Variants in ITPR2 observed in about 807,000 individuals in gnomAD.
The protein encoded by ITPR2 is inositol 1,4,5-trisphosphate receptor type 2.
A neutral mutation model predicts 317.1 loss-of-function variants in ITPR2; 207 were observed. That is an observed-to-expected ratio of 0.65 (90% CI 0.58 to 0.73). The LOEUF (loss-of-function observed/expected upper bound fraction) is 0.73. Among genes scored for constraint, ITPR2 ranks in the 30% least tolerant of loss-of-function variants. The pLI is 0.00. For missense variants in ITPR2, 2,613 were observed against 3,284.0 expected (o/e 0.80, Z 4.99); for synonymous variants, 1,156 against 1,149.1 (o/e 1.01, Z -0.12).
intron 45 of ITPR2, among the ~76,000 whole-genome samples, chr12:26,445,768 G>T (rs1941597434): frequency 6.6e-6 from 1 of 152,208 alleles, no homozygotes; most frequent in South Asian, 2.1e-4. Flanking sequence ...TAAACAAGGA[G>T]TGTGAGTAGA....
At chr12:26,714,402 T>C (rs899094057) in intron 8 of ITPR2, among the ~76,000 whole-genome samples, 1 of 152,222 alleles carries the variant, frequency 6.6e-6, no homozygotes, top group Admixed American at 6.5e-5. Flanking sequence ...TCCAAACATA[T>C]CCATCCAAGA....
At chr12:26,582,772 T>G (rs536837065) in intron 32 of ITPR2, among the ~76,000 whole-genome samples, 1 of 152,272 alleles carries the variant, frequency 6.6e-6, no homozygotes, top group African/African-American at 2.4e-5. Context: ...AATAATAAAT[T>G]TACAATACTA....
rs1468863194 is a variant in ITPR2, at chr12:26,715,448, A to G, written c.709-3T>C. On this transcript the variant is annotated splice_region_variant and splice_polypyrimidine_tract_variant and intron_variant, in intron 7 of 56. Transcript: ENST00000381340. ...TGAAATAATCTAACAACGTCCCCCT[A>G]GCAAAAAGGTCAAGAGACATCTGAA... The G allele has an allele frequency of 1.2e-6, 2 of 1,612,112 alleles. No individual in the cohort carries two copies. The highest frequency in any genetic ancestry group is 1.7e-5 in the Admixed American group (1 of 59,758).
chr12:26,349,685 A>G (rs559410404), intron 55 of ITPR2, among the ~76,000 whole-genome samples: 3 of 152,366 alleles, frequency 2.0e-5, no homozygotes, highest in East Asian at 1.9e-4. Flanking sequence ...CGCCTTAGAG[A>G]CGTGCATGGC....
chr12:26,669,880 C>T (rs1019123481), intron 13 of ITPR2, among the ~76,000 whole-genome samples: 5 of 152,244 alleles, frequency 3.3e-5, no homozygotes, highest in African/African-American at 7.2e-5. Flanking sequence ...TAAAAAACGG[C>T]GCACCAGGAG....
intron 9 of ITPR2, among the ~76,000 whole-genome samples, chr12:26,702,402 C>CGGG (rs1156504997): frequency 9.3e-5 from 1 of 10,758 alleles, no homozygotes; most frequent in African/African-American, 5.5e-4. Context: ...TTTTTGGGGG[C>CGGG]GGGGGTGGGG....
chr12:26,423,153 A>G (rs1435406898), intron 49 of ITPR2, among the ~76,000 whole-genome samples: 2 of 152,204 alleles, frequency 1.3e-5, no homozygotes, highest in African/African-American at 4.8e-5. Flanking sequence ...AGAAGTAGTT[A>G]GGAGCATTCA....
intron 37 of ITPR2, among the ~76,000 whole-genome samples, chr12:26,544,601 C>T (rs7316178): frequency 1.2e-5 from 1 of 86,490 alleles, no homozygotes; most frequent in African/African-American, 2.7e-5. Flanking sequence ...CACAGAGACA[C>T]ACAGACACAC....
chr12:26,441,302 T>A (rs1164119414), intron 46 of ITPR2, among the ~76,000 whole-genome samples: 3 of 152,210 alleles, frequency 2.0e-5, no homozygotes, highest in Admixed American at 2.0e-4. Flanking sequence ...AGGCTCTTCC[T>A]ATTTCCCAGG....
chr12:26,709,579 CAT>C (rs1455902913), intron 9 of ITPR2, among the ~76,000 whole-genome samples: 4 of 152,154 alleles, frequency 2.6e-5, no homozygotes, highest in African/African-American at 4.8e-5. Context: ...TCAAATGGTA[CAT>C]GTTTTAATTA....
chr12:26,644,796 T>C (rs1322627955), intron 21 of ITPR2, among the ~76,000 whole-genome samples: 1 of 152,122 alleles, frequency 6.6e-6, no homozygotes, highest in East Asian at 1.9e-4. Flanking sequence ...CCAAACCATA[T>C]CAACCATGAT....
intron 55 of ITPR2, among the ~76,000 whole-genome samples, chr12:26,380,748 T>G (rs752349478): frequency 3.2e-4 from 48 of 152,212 alleles, no homozygotes; most frequent in Non-Finnish European, 6.2e-4. Flanking sequence ...CATAGAAATC[T>G]TAGAAGACTC....
intron 10 of ITPR2, among the ~76,000 whole-genome samples, chr12:26,687,967 T>C (rs901128930): frequency 1.3e-5 from 2 of 152,170 alleles, no homozygotes; most frequent in East Asian, 1.9e-4. Flanking sequence ...ATACTTAGCA[T>C]ACTATACATC....
At chr12:26,680,225 CA>C (rs1948003339) in intron 13 of ITPR2, among the ~76,000 whole-genome samples, 1 of 151,872 alleles carries the variant, frequency 6.6e-6, no homozygotes, top group South Asian at 2.1e-4. Flanking sequence ...AAAACACTCA[CA>C]AAATTTCCAA....
intron 55 of ITPR2, among the ~76,000 whole-genome samples, chr12:26,359,098 G>A (rs1157047785): frequency 2.0e-5 from 3 of 152,186 alleles, no homozygotes; most frequent in African/African-American, 4.8e-5. Flanking sequence ...GTTCTAGGAG[G>A]GCAGGGCTTT....
intron 49 of ITPR2, among the ~76,000 whole-genome samples, chr12:26,422,942 A>T (rs930117930): frequency 6.6e-6 from 1 of 152,220 alleles, no homozygotes; most frequent in African/African-American, 2.4e-5. Context: ...TTTCAGGGGC[A>T]TTACATCTAC....
chr12:26,697,445 G>A (rs1948371786), intron 9 of ITPR2, among the ~76,000 whole-genome samples: 1 of 152,156 alleles, frequency 6.6e-6, no homozygotes, highest in Non-Finnish European at 1.5e-5. Context: ...GCATTCTCAG[G>A]AAAGTACAAG....
chr12:26,715,607 T>G lies in ITPR2; in HGVS notation c.708+145A>C, dbSNP rs1948727005. 7.6e-6 allele frequency: 6 copies of G among 785,726 alleles called. No homozygotes were observed. In the Admixed American group the frequency reaches 1.7e-4, roughly 22 times the overall value. The allele number at this position is 785,726 out of a possible 1,614,324, so 48.7% of individuals were successfully genotyped here. A position where few individuals can be genotyped will look rare whatever the true frequency, so the allele number is the denominator to read the frequency against. On this transcript the variant is annotated intron_variant, in intron 7 of 56. Transcript: ENST00000381340. ...ACATTTAAAAATGTGGGGGGGAAAT[T>G]CAGTAAAACACTTAGAGTAAGTATT...
intron 54 of ITPR2, among the ~76,000 whole-genome samples, chr12:26,389,184 C>A (rs1040733607): frequency 6.6e-6 from 1 of 152,114 alleles, no homozygotes; most frequent in Non-Finnish European, 1.5e-5. Flanking sequence ...GCAGCCAGAG[C>A]AATCCTTTAA....
Sources: allele counts gnomAD v4.1 joint callset (sites outside exome capture counted in the v4.1 genomes callset), GRCh38; gene constraint gnomAD v4.1.1; transcripts MANE v1.5; gene names NCBI Gene and HGNC (gene_info 2026-07-23, HGNC 2026-07-21).